GALNT17: variants seen among roughly 807,000 people sequenced by gnomAD.
The protein encoded by GALNT17 is polypeptide N-acetylgalactosaminyltransferase 17, also known as UDP-GalNAc:polypeptide N-acetylgalactosaminyltransferase-like 3.
Under a neutral mutation model 63.7 loss-of-function variants are expected in GALNT17, and 29 were observed. The observed-to-expected ratio is 0.46, with a 90% CI of 0.34 to 0.62. The LOEUF is 0.62. GALNT17 is among the 20% of genes least tolerant of loss of function. The pLI, the probability that GALNT17 is intolerant of heterozygous loss-of-function variation, is 0.01. For synonymous variants in GALNT17, 305 were observed against 318.3 expected, an observed-to-expected ratio of 0.96 and a Z score of 0.45; for missense variants, 603 against 799.6, an observed-to-expected ratio of 0.75 and a Z score of 2.97.
intron 5 of GALNT17, among the ~76,000 whole-genome samples, chr7:71,452,395 A>C (rs2116554027): frequency 6.6e-6 from 1 of 152,124 alleles, no homozygotes; most frequent in South Asian, 2.1e-4. Flanking sequence ...AAAATACAAA[A>C]ATTAGGCAGG....
intron 3 of GALNT17, among the ~76,000 whole-genome samples, chr7:71,407,174 C>A (rs913293221): frequency 4.6e-5 from 7 of 152,150 alleles, no homozygotes; most frequent in Non-Finnish European, 8.8e-5. Flanking sequence ...TCTTGAAGAG[C>A]TCAGGAACTC....
intron 1 of GALNT17, among the ~76,000 whole-genome samples, chr7:71,208,617 A>G (rs35335538): frequency 0.36 from 54,240 of 150,466 alleles, 10,127 homozygotes; most frequent in South Asian, 0.53. Flanking sequence ...TGCCCAGCCA[A>G]TTTTTCGTAT....
intron 6 of GALNT17, among the ~76,000 whole-genome samples, chr7:71,641,251 T>C (rs542536969): frequency 1.3e-5 from 2 of 152,200 alleles, no homozygotes; most frequent in East Asian, 1.9e-4. Context: ...AGAACAGAGG[T>C]TAAGCAGACC....
intron 5 of GALNT17, among the ~76,000 whole-genome samples, chr7:71,562,175 G>A (rs1035826689): frequency 6.6e-6 from 1 of 151,958 alleles, no homozygotes; most frequent in African/African-American, 2.4e-5. Context: ...ATGCTGCCCG[G>A]TCTGTTCTCA....
At chr7:71,135,971 C>T (rs930134439) in intron 1 of GALNT17, among the ~76,000 whole-genome samples, 2 of 152,130 alleles carry the variant, frequency 1.3e-5, no homozygotes, top group African/African-American at 4.8e-5. Flanking sequence ...ATGCAAGCTG[C>T]GACTAGGCAG....
At chr7:71,414,849 T>A (rs1793495566) in intron 3 of GALNT17, among the ~76,000 whole-genome samples, 1 of 152,180 alleles carries the variant, frequency 6.6e-6, no homozygotes, top group African/African-American at 2.4e-5. Context: ...CTGTGGCCTT[T>A]AGTGACATGT....
In GALNT17 at chr7:71,596,908, C is replaced by T. The variant is rs1218250533; in HGVS notation, c.1080+25506C>T. Among the ~76,000 whole-genome samples, 3 of 151,940 alleles carry T rather than the reference C, an allele frequency of 2.0e-5. No homozygotes were observed. In the East Asian group the frequency reaches 5.8e-4, roughly 29 times the overall value. Reference sequence around the variant, plus strand: ...TGTGTACAACAAAATGACAGAGGGGCCAGGCACAGTGGTTCACACCTCTAA... The same window carrying T: ...TGTGTACAACAAAATGACAGAGGGGTCAGGCACAGTGGTTCACACCTCTAA... On this transcript the variant is annotated intron_variant, in intron 6 of 10. Coordinates refer to ENST00000333538, the MANE Select transcript of GALNT17 (RefSeq NM_022479.3).
intron 2 of GALNT17, among the ~76,000 whole-genome samples, chr7:71,337,703 A>T (rs558714186): frequency 6.6e-6 from 1 of 152,038 alleles, no homozygotes; most frequent in South Asian, 2.1e-4. Flanking sequence ...CCCCGTCTCT[A>T]CTAAAAATAC....
chr7:71,424,679 G>A (rs1166852491), intron 5 of GALNT17, among the ~76,000 whole-genome samples: 2 of 152,182 alleles, frequency 1.3e-5, no homozygotes, highest in Non-Finnish European at 2.9e-5. Context: ...GTTAATAGTT[G>A]ATGGGGATAT....
intron 6 of GALNT17, among the ~76,000 whole-genome samples, chr7:71,629,293 G>A (rs1790422577): frequency 1.3e-5 from 2 of 152,030 alleles, no homozygotes; most frequent in African/African-American, 2.4e-5. Flanking sequence ...ACAATCCTGC[G>A]GGCTGCATTC....
Position 71,436,386 on chromosome 7 carries a change from A to G in GALNT17, c.962+15281A>G, listed in dbSNP as rs1218043733. 2.6e-5 allele frequency among the ~76,000 whole-genome samples: 4 copies of G among 152,240 alleles called. No individual in the cohort carries two copies. The East Asian group carries it at 5.8e-4, about 22-fold the overall frequency. On this transcript the variant is annotated intron_variant, in intron 5 of 10. Transcript: ENST00000333538. ...TAAAATTTAAAAATAAACTTGTTCT[A>G]TGGAGGACACTCTTATTGTATGTCA...
At chr7:71,453,895 C>CT (rs11412630) in intron 5 of GALNT17, among the ~76,000 whole-genome samples, 80,110 of 151,900 alleles carry the variant, frequency 0.53, 23,184 homozygotes, top group Non-Finnish European at 0.66. Context: ...CCTTTTGGTT[C>CT]TGGCATTCCA....
At chr7:71,235,757 C>T (rs1253613292) in intron 1 of GALNT17, among the ~76,000 whole-genome samples, 2 of 152,164 alleles carry the variant, frequency 1.3e-5, no homozygotes, top group African/African-American at 2.4e-5. Context: ...GCTCCAGCAC[C>T]GGGAAGCATG....
chr7:71,504,569 T>A (rs1042136621), intron 5 of GALNT17, among the ~76,000 whole-genome samples: 2 of 151,576 alleles, frequency 1.3e-5, no homozygotes. Context: ...TTTACTTATT[T>A]ACATATTTTG....
At chr7:71,210,315 G>A (rs1789352718) in intron 1 of GALNT17, among the ~76,000 whole-genome samples, 2 of 152,066 alleles carry the variant, frequency 1.3e-5, no homozygotes, top group South Asian at 4.1e-4. Context: ...TGAGATTTGG[G>A]TGGGGATGCA....
intron 1 of GALNT17, among the ~76,000 whole-genome samples, chr7:71,236,772 CG>C (rs1470206266): frequency 6.6e-6 from 1 of 152,128 alleles, no homozygotes; most frequent in Non-Finnish European, 1.5e-5. Flanking sequence ...AGCACTTCTG[CG>C]GGGTGTTTAC....
intron 5 of GALNT17, among the ~76,000 whole-genome samples, chr7:71,494,697 T>G (rs1253460487): frequency 6.6e-6 from 1 of 152,036 alleles, no homozygotes; most frequent in Non-Finnish European, 1.5e-5. Context: ...GCTGTATTAG[T>G]CTGTTCTCAT....
At chr7:71,675,874 G>A (rs146426795) in intron 8 of GALNT17, among the ~76,000 whole-genome samples, 157 of 152,296 alleles carry the variant, frequency 1.0e-3, no homozygotes, top group African/African-American at 3.6e-3. Flanking sequence ...TGTAATCCCA[G>A]CTACTCGGGA....
At chr7:71,298,986 G>C (rs1791137419) in intron 1 of GALNT17, among the ~76,000 whole-genome samples, 1 of 152,178 alleles carries the variant, frequency 6.6e-6, no homozygotes, top group Non-Finnish European at 1.5e-5. Context: ...GTGACTGACA[G>C]GTGTTAAGTC....
Sources: gnomAD v4.1 joint callset for allele counts (sites outside exome capture counted in the v4.1 genomes callset) on GRCh38, gnomAD v4.1.1 for gene constraint, MANE v1.5 for transcripts, NCBI Gene and HGNC (gene_info 2026-07-23, HGNC 2026-07-21) for gene names.